The following PTPRD variants were observed in gnomAD, a reference collection of about 807,000 sequenced individuals.
The protein encoded by PTPRD is protein tyrosine phosphatase receptor type D, also known as receptor-type tyrosine-protein phosphatase delta.
Under a neutral mutation model 214.5 loss-of-function variants are expected in PTPRD, and 34 were observed. The observed-to-expected ratio is 0.16, with a 90% CI of 0.12 to 0.21. The LOEUF (loss-of-function observed/expected upper bound fraction) is 0.21, where lower values mean the gene tolerates loss of function less well. Ranked by LOEUF, PTPRD falls within the 10% of genes least tolerant of loss-of-function variation. The pLI, the probability that PTPRD is intolerant of heterozygous loss-of-function variation, is 1.00. For missense variants in PTPRD, 2,545 were observed against 2,398.7 expected, an observed-to-expected ratio of 1.06 and a Z score of -1.27; for synonymous variants, 1,128 against 845.7, an observed-to-expected ratio of 1.33 and a Z score of -5.79.
chr9:9,750,024 G>A (rs987609145), intron 6 of PTPRD, among the ~76,000 whole-genome samples: 5 of 152,050 alleles, frequency 3.3e-5, no homozygotes, highest in Non-Finnish European at 7.4e-5. Context: ...TTTTGAAGAT[G>A]GGTATTTTAA....
chr9:10,350,300 A>T (rs1317090673), intron 2 of PTPRD, among the ~76,000 whole-genome samples: 1 of 152,138 alleles, frequency 6.6e-6, no homozygotes, highest in African/African-American at 2.4e-5. Flanking sequence ...AACTTTAAAG[A>T]CCAAGTCAAT....
intron 11 of PTPRD, among the ~76,000 whole-genome samples, chr9:8,890,174 A>C (rs2098526724): frequency 6.6e-6 from 1 of 152,220 alleles, no homozygotes; most frequent in Non-Finnish European, 1.5e-5. Context: ...AAAATATATA[A>C]ATATCTAACT....
At chr9:9,785,090 TA>T (rs2098911075) in intron 5 of PTPRD, among the ~76,000 whole-genome samples, 1 of 151,728 alleles carries the variant, frequency 6.6e-6, no homozygotes, top group Non-Finnish European at 1.5e-5. Flanking sequence ...ATAAAATAAG[TA>T]GGAACAAAAA....
At chr9:8,960,540 G>A (rs2099153476) in intron 11 of PTPRD, among the ~76,000 whole-genome samples, 1 of 152,104 alleles carries the variant, frequency 6.6e-6, no homozygotes, top group Admixed American at 6.6e-5. Flanking sequence ...GAAGATAGAA[G>A]AAGATGTCGT....
chr9:8,963,471 A>T (rs1452006231), intron 11 of PTPRD, among the ~76,000 whole-genome samples: 1 of 152,080 alleles, frequency 6.6e-6, no homozygotes, highest in Non-Finnish European at 1.5e-5. Context: ...ACATGTAGGG[A>T]TGTTGGATTC....
At chr9:9,260,199 G>A (rs1269295632) in intron 9 of PTPRD, among the ~76,000 whole-genome samples, 1 of 151,764 alleles carries the variant, frequency 6.6e-6, no homozygotes, top group Non-Finnish European at 1.5e-5. Flanking sequence ...AAGAAAACTG[G>A]CAAGTTAACC....
intron 11 of PTPRD, among the ~76,000 whole-genome samples, chr9:8,787,988 A>C (rs1168488427): frequency 6.6e-6 from 1 of 152,150 alleles, no homozygotes; most frequent in African/African-American, 2.4e-5. Flanking sequence ...TAACTTTGAG[A>C]AGTAAAAGAT....
rs140440604 is a variant in PTPRD, at chr9:9,289,301, G to A, written c.-202-105938C>T. On this transcript the variant is annotated intron_variant, in intron 9 of 45. Transcript: ENST00000381196. ...GTTCATATCTGAAGTCAAGCAGCTA[G>A]CAACTTATTTTATGTGTTAAGCACC... 5.1e-3 allele frequency among the ~76,000 whole-genome samples: 771 copies of A among 151,958 alleles called. 6 individuals are homozygous for A. Among genetic ancestry groups the A allele is most frequent in the African/African-American group, 0.018 (734 of 41,516 alleles).
intron 10 of PTPRD, among the ~76,000 whole-genome samples, chr9:9,168,877 A>T (rs549862104): frequency 1.1e-4 from 16 of 151,968 alleles, no homozygotes; most frequent in Admixed American, 5.9e-4. Flanking sequence ...AGATTTTTTT[A>T]AAAAATATTT....
chr9:9,136,062 C>A (rs1309108571), intron 10 of PTPRD, among the ~76,000 whole-genome samples: 3 of 152,106 alleles, frequency 2.0e-5, no homozygotes, highest in South Asian at 2.1e-4. Flanking sequence ...CAACATATTT[C>A]TTTTGCTAAT....
intron 10 of PTPRD, among the ~76,000 whole-genome samples, chr9:9,120,045 T>C (rs2099816147): frequency 6.6e-6 from 1 of 152,204 alleles, no homozygotes; most frequent in South Asian, 2.1e-4. Flanking sequence ...AACTGTGTTC[T>C]GTAAAACATT....
chr9:8,532,087 T>C (rs1251598053), intron 14 of PTPRD, among the ~76,000 whole-genome samples: 2 of 152,040 alleles, frequency 1.3e-5, no homozygotes, highest in Admixed American at 6.6e-5. Flanking sequence ...ATAAGGGTAA[T>C]TAAATTCTAT....
At chr9:9,267,509 C>A (rs545524462) in intron 9 of PTPRD, among the ~76,000 whole-genome samples, 1 of 151,206 alleles carries the variant, frequency 6.6e-6, no homozygotes, top group South Asian at 2.1e-4. Flanking sequence ...CAAATTGTTA[C>A]AAGAAATTGA....
chr9:8,331,870 A>AAAAGGG lies in PTPRD; in HGVS notation c.5380-135_5380-134insCCCTTT. ...TAGAAAAAGTTAGGAACATGTTTAA[A>AAAAGGG]TAGAAACTTAGTTATGGTTTATCTG... On this transcript the variant is annotated intron_variant, in intron 43 of 45. Coordinates refer to ENST00000381196, the MANE Select transcript of PTPRD (RefSeq NM_002839.4). The AAAAGGG allele has an allele frequency of 3.8e-6, 4 of 1,043,656 alleles. No homozygotes were observed. The African/African-American group carries it at 6.5e-5, about 17-fold the overall frequency. The allele number at this position is 1,043,656 out of a possible 1,614,324, so 64.6% of individuals were successfully genotyped here.
At chr9:9,672,538 A>G (rs1039579714) in intron 7 of PTPRD, among the ~76,000 whole-genome samples, 1 of 152,148 alleles carries the variant, frequency 6.6e-6, no homozygotes, top group Non-Finnish European at 1.5e-5. Context: ...GAGCTAATAC[A>G]TGGTAGAGAT....
At chr9:9,147,621 T>G (rs1476090043) in intron 10 of PTPRD, among the ~76,000 whole-genome samples, 1 of 152,198 alleles carries the variant, frequency 6.6e-6, no homozygotes, top group Non-Finnish European at 1.5e-5. Context: ...CCATAATTAT[T>G]TGTTTACCTA....
chr9:8,623,237 ATGCCC>A (rs1426469907), intron 14 of PTPRD, among the ~76,000 whole-genome samples: 1 of 151,956 alleles, frequency 6.6e-6, no homozygotes, highest in African/African-American at 2.4e-5. Context: ...AAACAAAGCC[ATGCCC>A]TTATGGAACT....
At chr9:9,112,118 A>G (rs1165302776) in intron 10 of PTPRD, among the ~76,000 whole-genome samples, 1 of 152,126 alleles carries the variant, frequency 6.6e-6, no homozygotes, top group Non-Finnish European at 1.5e-5. Flanking sequence ...CTGTCTACAA[A>G]GCCATGCTAG....
chr9:8,718,644 C>T (rs947634242), intron 12 of PTPRD, among the ~76,000 whole-genome samples: 6 of 151,982 alleles, frequency 3.9e-5, no homozygotes, highest in African/African-American at 7.2e-5. Flanking sequence ...CTAATTAGTC[C>T]GCCTTCTCTA....
Sources: allele counts gnomAD v4.1 joint callset (sites outside exome capture counted in the v4.1 genomes callset), GRCh38; gene constraint gnomAD v4.1.1; transcripts MANE v1.5; gene names NCBI Gene and HGNC (gene_info 2026-07-23, HGNC 2026-07-21).